Variants in BSN observed in about 807,000 individuals in gnomAD.
The protein encoded by BSN is protein bassoon.
BSN carries 57 observed loss-of-function variants against 264.8 expected under a neutral mutation model. The ratio of observed to expected loss-of-function variants is 0.22; its 90% CI spans 0.17 to 0.27. BSN has a LOEUF of 0.27. Among genes scored for constraint, BSN ranks in the 10% least tolerant of loss-of-function variants. The pLI, the probability that BSN is intolerant of heterozygous loss-of-function variation, is 1.00. For synonymous variants in BSN, 2,059 were observed against 2,137.3 expected, an observed-to-expected ratio of 0.96 and a Z score of 1.01; for missense variants, 4,615 against 5,232.5, an observed-to-expected ratio of 0.88 and a Z score of 3.64.
At chr3:49,615,111 G>A (rs1245165371) in intron 1 of BSN, among the ~76,000 whole-genome samples, 1 of 152,180 alleles carries the variant, frequency 6.6e-6, no homozygotes, top group East Asian at 1.9e-4. Context: ...CAACATCAGA[G>A]CAGTCAGAGC....
Position 49,655,328 on chromosome 3 carries a change from TGAG to T in BSN, c.5773_5775del (p.Glu1925del), listed in dbSNP as rs2052589229. 7 of 1,608,650 alleles carry T rather than the reference TGAG, an allele frequency of 4.4e-6. No homozygotes were observed. The highest frequency in any genetic ancestry group is 5.9e-6 in the Non-Finnish European group (7 of 1,177,750). On this transcript the variant is annotated inframe_deletion, in exon 5 of 12. Coordinates refer to ENST00000296452, the MANE Select transcript of BSN (RefSeq NM_003458.4). ...CCTTCCACCCGGCCCCCAGTGTGCC[TGAG>T]AAGAGCATGGCAGATGCTGCCCCAC...
chr3:49,572,917 C>G (rs1213493441), intron 1 of BSN, among the ~76,000 whole-genome samples: 1 of 152,164 alleles, frequency 6.6e-6, no homozygotes, highest in African/African-American at 2.4e-5. Context: ...CAGCCTCTGC[C>G]AAGTACCTCT....
rs1040432284 is a variant in BSN at position 49,655,236 on chromosome 3, C to A, written c.5680C>A (p.Pro1894Thr). The A allele has an allele frequency of 1.9e-6, 3 of 1,613,002 alleles. No homozygotes were observed. Among genetic ancestry groups the A allele is most frequent in the Non-Finnish European group, 2.5e-6 (3 of 1,179,962 alleles). ...AGALDLTGMRPESQLACCDMV... is the reference protein window; with the variant it reads ...AGALDLTGMRTESQLACCDMV... ...TGCCCTGGACCTTACCGGGATGAGG[C>A]CTGAGAGCCAGCTGGCATGCTGTGA... Residue 1894 changes from proline to threonine, a missense_variant, in exon 5 of 12, where the codon CCT becomes ACT. Physicochemically the swap from Pro to Thr is conservative, Grantham distance 38. This residue lies in a region of BSN where 3,415 missense variants were observed against 3,866.4 expected (regional missense o/e 0.88). Transcript: ENST00000296452.
intron 1 of BSN, among the ~76,000 whole-genome samples, chr3:49,566,899 A>G (rs779499868): frequency 2.0e-5 from 3 of 150,928 alleles, no homozygotes; most frequent in Non-Finnish European, 4.4e-5. Context: ...AGCATTCACT[A>G]ATGATCCTTA....
chr3:49,627,539 T>A (rs900419709), intron 2 of BSN, among the ~76,000 whole-genome samples: 1 of 152,218 alleles, frequency 6.6e-6, no homozygotes, highest in Non-Finnish European at 1.5e-5. Flanking sequence ...TTCCATGTGA[T>A]GAGAAAACAG....
At chr3:49,572,597 G>C (rs879493245) in intron 1 of BSN, among the ~76,000 whole-genome samples, 3 of 152,070 alleles carry the variant, frequency 2.0e-5, no homozygotes, top group Admixed American at 2.0e-4. Flanking sequence ...GCAGTGGCGC[G>C]ATCTCGGCTC....
chr3:49,623,580 C>G (rs1416660920), intron 1 of BSN, among the ~76,000 whole-genome samples: 4 of 152,200 alleles, frequency 2.6e-5, no homozygotes, highest in Non-Finnish European at 5.9e-5. Context: ...TGCATTGGAC[C>G]TCACTCAGTG....
chr3:49,670,787 T>C lies in BSN; in HGVS notation c.*3302T>C, dbSNP rs1044597527. 31 of 152,232 alleles carry C rather than the reference T, an allele frequency of 2.0e-4. No homozygotes were observed. Among genetic ancestry groups the C allele is most frequent in the African/African-American group, 7.2e-4 (30 of 41,440 alleles). The allele number at this position is 152,232 out of a possible 1,614,324, so 9.4% of individuals were successfully genotyped here. A position where few individuals can be genotyped will look rare whatever the true frequency, so the allele number is the denominator to read the frequency against. On this transcript the variant is annotated 3_prime_UTR_variant, in exon 12 of 12. Coordinates refer to ENST00000296452, the MANE Select transcript of BSN (RefSeq NM_003458.4). ...CAGTGACAGCCCTCCCCTACAATCC[T>C]TGGGCAGAGCATGTGGTCTGAGGGC...
At chr3:49,559,000 C>T (rs2051693904) in intron 1 of BSN, among the ~76,000 whole-genome samples, 1 of 152,268 alleles carries the variant, frequency 6.6e-6, no homozygotes, top group South Asian at 2.1e-4. Flanking sequence ...GATCTCGGGT[C>T]ACTGCAACCT....
At position 49,663,781 on chromosome 3, in the gene BSN, T is replaced by C. The variant is rs780822100; in HGVS notation, c.11509-6T>C. 1 of 1,614,144 alleles carries C rather than the reference T, an allele frequency of 6.2e-7. No individual in the cohort carries two copies. Among genetic ancestry groups the C allele is most frequent in the East Asian group, 2.2e-5 (1 of 44,880 alleles). On this transcript the variant is annotated splice_region_variant and splice_polypyrimidine_tract_variant and intron_variant, in intron 7 of 11. Transcript: ENST00000296452. ...CAGAATCTTAGCTATAGGTTCTGTG[T>C]TGCAGCCACGGGCAGAACAGACAAA...
chr3:49,595,915 T>G (rs1002964095), intron 1 of BSN, among the ~76,000 whole-genome samples: 5 of 152,314 alleles, frequency 3.3e-5, no homozygotes, highest in Admixed American at 3.3e-4. Context: ...TGGTTGTGTT[T>G]AAATATTAAA....
chr3:49,578,098 C>G lies in BSN; in HGVS notation c.224+23272C>G, dbSNP rs2051860606. The stretch of plus-strand genomic sequence containing the variant: ...TTTCTAATTTTGTGGATGCTTAATA[C>G]ATTAGCACACTAATACATGCTTACA... On this transcript the variant is annotated intron_variant, in intron 1 of 11. Coordinates refer to ENST00000296452, the MANE Select transcript of BSN (RefSeq NM_003458.4). Among the ~76,000 whole-genome samples the G allele has an allele frequency of 4.6e-5, 7 of 152,276 alleles. 1 individual carries two copies. The South Asian group carries it at 1.5e-3, about 32-fold the overall frequency.
At chr3:49,586,417 C>T (rs2051938505) in intron 1 of BSN, among the ~76,000 whole-genome samples, 5 of 152,062 alleles carry the variant, frequency 3.3e-5, no homozygotes, top group Admixed American at 3.3e-4. Context: ...CTCTGTTGCC[C>T]AGGCTGGAGT....
chr3:49,561,170 C>G (rs1487732353), intron 1 of BSN, among the ~76,000 whole-genome samples: 3 of 152,208 alleles, frequency 2.0e-5, no homozygotes, highest in Non-Finnish European at 2.9e-5. Flanking sequence ...TCTTGAATGG[C>G]CTGGAGAGGC....
chr3:49,637,969 C>T (rs1240851399), intron 2 of BSN, among the ~76,000 whole-genome samples: 1 of 152,240 alleles, frequency 6.6e-6, no homozygotes, highest in East Asian at 1.9e-4. Flanking sequence ...TAATGTCTGA[C>T]AGAGCTGTCC....
At position 49,638,588 on chromosome 3, in the gene BSN, G is replaced by C. The variant is rs569642631; in HGVS notation, c.634-3680G>C. On this transcript the variant is annotated intron_variant, in intron 2 of 11. Transcript: ENST00000296452. The surrounding 1 kb of genome is among the most constrained non-coding windows in gnomAD (Gnocchi z 4.3). ...GAGGGTGCGGTCAAGGTTCCTTACC[G>C]TCTGGAAGAGGCTGGATAGAAATAG... 1.3e-5 allele frequency among the ~76,000 whole-genome samples: 2 copies of C among 152,184 alleles called. No homozygotes were observed. The highest frequency in any genetic ancestry group is 2.9e-5 in the Non-Finnish European group (2 of 68,022).
intron 1 of BSN, among the ~76,000 whole-genome samples, chr3:49,586,440 TC>T (rs2051938916): frequency 6.6e-6 from 1 of 152,118 alleles, no homozygotes; most frequent in Non-Finnish European, 1.5e-5. Context: ...AATGGCACAA[TC>T]ATGGCTCACT....
intron 1 of BSN, among the ~76,000 whole-genome samples, chr3:49,606,332 T>TTATATATATTAAA (rs1559603765): frequency 4.9e-4 from 60 of 121,692 alleles, no homozygotes; most frequent in African/African-American, 8.2e-4. Context: ...AAAATATATA[T>TTATATATATTAAA]ATATTTTTGG....
chr3:49,656,713 G>A lies in BSN; in HGVS notation c.7157G>A (p.Arg2386Gln). Reference sequence around the variant, plus strand: ...GAGCGGGTGGAGTTGGAGAAGCTGCGACAACTTCGGCTGCAAGAGGAGCTA... The same window carrying A: ...GAGCGGGTGGAGTTGGAGAAGCTGCAACAACTTCGGCTGCAAGAGGAGCTA... ...ERERVELEKLRQLRLQEELER... is the reference protein window; with the variant it reads ...ERERVELEKLQQLRLQEELER... The change falls in exon 5 of 12, where the codon CGA becomes CAA. Residue 2386 changes from arginine (R) to glutamine (Q), a missense_variant. Physicochemically the swap from Arg to Gln is conservative, Grantham distance 43. Coordinates refer to ENST00000296452, the MANE Select transcript of BSN (RefSeq NM_003458.4). 1.3e-6 allele frequency: 2 copies of A among 1,579,736 alleles called. No individual in the cohort carries two copies. The highest frequency in any genetic ancestry group is 1.7e-6 in the Non-Finnish European group (2 of 1,162,310).
Sources: allele counts gnomAD v4.1 joint callset (sites outside exome capture counted in the v4.1 genomes callset), GRCh38; gene constraint gnomAD v4.1.1; regional missense constraint gnomAD v4.1.1; non-coding constraint Gnocchi (gnomAD v3.1); transcripts MANE v1.5; gene names NCBI Gene and HGNC (gene_info 2026-07-23, HGNC 2026-07-21).